The following CDH8 variants were observed in gnomAD, a reference collection of about 807,000 sequenced individuals.
CDH8 encodes cadherin-8.
CDH8 carries 17 observed loss-of-function variants against 68.1 expected under a neutral mutation model. That is an observed-to-expected ratio of 0.25 (90% CI 0.17 to 0.37). CDH8 has a LOEUF of 0.37. Among genes scored for constraint, CDH8 ranks in the 10% least tolerant of loss-of-function variants. The probability of loss-of-function intolerance (pLI) is 1.00; values close to 1 mark genes in which losing one functional copy is unlikely to be tolerated. For missense variants in CDH8, 763 were observed against 999.3 expected, an observed-to-expected ratio of 0.76 and a Z score of 3.19; for synonymous variants, 372 against 365.1, an observed-to-expected ratio of 1.02 and a Z score of -0.21.
intron 10 of CDH8, among the ~76,000 whole-genome samples, chr16:61,684,735 G>C (rs565691966): frequency 6.6e-6 from 1 of 152,050 alleles, no homozygotes; most frequent in South Asian, 2.1e-4. Flanking sequence ...AGCTTGGCTG[G>C]GTTAAGCTAA....
At chr16:62,033,807 A>G (rs982814739) in intron 1 of CDH8, among the ~76,000 whole-genome samples, 2 of 151,926 alleles carry the variant, frequency 1.3e-5, no homozygotes, top group Non-Finnish European at 2.9e-5. Flanking sequence ...GTTGCTGGAA[A>G]GACTCCCCTC....
chr16:61,883,823 A>C (rs769547621), intron 3 of CDH8, among the ~76,000 whole-genome samples: 26 of 152,092 alleles, frequency 1.7e-4, no homozygotes, highest in Non-Finnish European at 2.9e-4. Flanking sequence ...TATCTATGAG[A>C]CTTCACTATC....
At chr16:61,732,839 T>A (rs1959573800) in intron 8 of CDH8, among the ~76,000 whole-genome samples, 2 of 151,802 alleles carry the variant, frequency 1.3e-5, no homozygotes, top group South Asian at 4.1e-4. Context: ...GCTTGTAACA[T>A]ATCAAAATGT....
intron 2 of CDH8, among the ~76,000 whole-genome samples, chr16:61,959,999 T>TAC (rs1222367226): frequency 6.2e-5 from 5 of 81,096 alleles, no homozygotes; most frequent in Non-Finnish European, 4.4e-5. Context: ...TATATATATA[T>TAC]ATATATATAT....
At chr16:61,860,763 A>T (rs1396177457) in intron 3 of CDH8, among the ~76,000 whole-genome samples, 1 of 152,210 alleles carries the variant, frequency 6.6e-6, no homozygotes, top group Non-Finnish European at 1.5e-5. Flanking sequence ...TCCTGTCATT[A>T]CCAAATTTCC....
intron 10 of CDH8, among the ~76,000 whole-genome samples, chr16:61,672,730 A>G (rs1963822924): frequency 6.6e-6 from 1 of 152,006 alleles, no homozygotes; most frequent in Non-Finnish European, 1.5e-5. Flanking sequence ...TTGATATATA[A>G]AGTAAATTGT....
intron 3 of CDH8, among the ~76,000 whole-genome samples, chr16:61,873,368 C>T (rs1963403791): frequency 6.6e-6 from 1 of 152,116 alleles, no homozygotes; most frequent in Non-Finnish European, 1.5e-5. Flanking sequence ...GTGGACGACA[C>T]AGGCTACTTA....
chr16:61,767,470 T>C (rs1300711521), intron 8 of CDH8, among the ~76,000 whole-genome samples: 1 of 151,872 alleles, frequency 6.6e-6, no homozygotes, highest in East Asian at 1.9e-4. Context: ...TTTTATATAG[T>C]TGTTTTGAGG....
chr16:61,881,919 C>A (rs1223667126), intron 3 of CDH8, among the ~76,000 whole-genome samples: 1 of 152,194 alleles, frequency 6.6e-6, no homozygotes, highest in Non-Finnish European at 1.5e-5. Flanking sequence ...TAAGCCTAAT[C>A]TTGGATCCCA....
At chr16:61,682,287 A>G (rs1964028257) in intron 10 of CDH8, among the ~76,000 whole-genome samples, 1 of 151,962 alleles carries the variant, frequency 6.6e-6, no homozygotes, top group Non-Finnish European at 1.5e-5. Context: ...AGGAAAAAAT[A>G]GTAATTTTAT....
chr16:61,940,627 T>C (rs2143534142), intron 2 of CDH8: 1 of 152,374 alleles, frequency 6.6e-6, no homozygotes, highest in East Asian at 1.9e-4. Flanking sequence ...GGTCCCAATC[T>C]CTTGACCTCG....
intron 8 of CDH8, among the ~76,000 whole-genome samples, chr16:61,737,414 G>T (rs1288270354): frequency 6.6e-6 from 1 of 152,048 alleles, no homozygotes; most frequent in Non-Finnish European, 1.5e-5. Context: ...AGGAGCAGTG[G>T]AATTTTATAA....
intron 2 of CDH8, among the ~76,000 whole-genome samples, chr16:61,942,693 T>C (rs1397551620): frequency 6.6e-6 from 1 of 152,220 alleles, no homozygotes; most frequent in Admixed American, 6.5e-5. Flanking sequence ...AAGTTCACCT[T>C]GTTCCTTGTT....
chr16:61,731,254 G>A (rs1199829584), intron 8 of CDH8, among the ~76,000 whole-genome samples: 1 of 151,690 alleles, frequency 6.6e-6, no homozygotes, highest in Non-Finnish European at 1.5e-5. Context: ...TCACTGGAGA[G>A]AGAGGCTAGT....
Position 61,653,620 on chromosome 16 carries a change from G to C in CDH8, c.2388C>G (p.Asp796Glu). 6.2e-7 allele frequency: 1 copy of C among 1,607,812 alleles called. No homozygotes were observed. Residue 796 changes from aspartate to glutamate, a missense_variant, in exon 12 of 12, where the codon GAC becomes GAG. Physicochemically the swap from Asp to Glu is conservative, Grantham distance 45 (BLOSUM62 2). Transcript: ENST00000577390. ...TTATAATCCACTGTCAAGTTTCTTT[G>C]TCACTTTCACCAACAGAGTAGAGTT... ...LGELYSVGES[D>E]KET
At chr16:61,971,010 A>G (rs550225216) in intron 2 of CDH8, among the ~76,000 whole-genome samples, 31 of 151,982 alleles carry the variant, frequency 2.0e-4, no homozygotes, top group Admixed American at 3.3e-4. Flanking sequence ...CATCCTTAAG[A>G]AGGTACTTTG....
chr16:61,711,245 A>C (rs924609087), intron 10 of CDH8, among the ~76,000 whole-genome samples: 1 of 151,862 alleles, frequency 6.6e-6, no homozygotes, highest in African/African-American at 2.4e-5. Context: ...CAATCCATAT[A>C]AGAGACAAGA....
chr16:62,027,359 C>A (rs1902219797), intron 1 of CDH8, among the ~76,000 whole-genome samples: 1 of 152,318 alleles, frequency 6.6e-6, no homozygotes, highest in African/African-American at 2.4e-5. Context: ...ACATATTACA[C>A]CATCCGTTTT....
intron 4 of CDH8, among the ~76,000 whole-genome samples, chr16:61,834,437 T>C (rs532589611): frequency 2.0e-5 from 3 of 152,032 alleles, no homozygotes; most frequent in Admixed American, 2.0e-4. Flanking sequence ...GTGAGTGTGT[T>C]TTATAGACTG....
Sources: allele counts gnomAD v4.1 joint callset (sites outside exome capture counted in the v4.1 genomes callset), GRCh38; gene constraint gnomAD v4.1.1; transcripts MANE v1.5; gene names NCBI Gene and HGNC (gene_info 2026-07-23, HGNC 2026-07-21).